Variants in ADCYAP1R1 observed in about 807,000 individuals in gnomAD.
ADCYAP1R1 encodes ADCYAP receptor type I, also known as pituitary adenylate cyclase-activating polypeptide type I receptor.
A neutral mutation model predicts 67.6 loss-of-function variants in ADCYAP1R1; 44 were observed. The observed-to-expected ratio is 0.65, with a 90% CI of 0.51 to 0.84. The LOEUF (loss-of-function observed/expected upper bound fraction) is 0.84. Among genes scored for constraint, ADCYAP1R1 ranks in the 40% least tolerant of loss-of-function variants. The pLI, the probability that ADCYAP1R1 is intolerant of heterozygous loss-of-function variation, is 0.00. For synonymous variants in ADCYAP1R1, 222 were observed against 219.6 expected (o/e 1.01, Z -0.10); for missense variants, 477 against 587.9 (o/e 0.81, Z 1.95).
chr7:31,103,225 T>C lies in ADCYAP1R1; in HGVS notation c.1047-12T>C. 1 of 1,613,498 alleles carries C rather than the reference T, an allele frequency of 6.2e-7. No individual in the cohort carries two copies. The highest frequency in any genetic ancestry group is 1.1e-5 in the South Asian group (1 of 90,968). The stretch of plus-strand genomic sequence containing the variant: ...AAGTCCCCAGAGCAGATGTTTTGCT[T>C]TCCTCCGACAGGCGACTGGCCCGGT... On this transcript the variant is annotated splice_polypyrimidine_tract_variant and intron_variant, in intron 13 of 15. Coordinates refer to ENST00000304166, the MANE Select transcript of ADCYAP1R1 (RefSeq NM_001118.5).
At chr7:31,094,241 T>A (rs903505423) in intron 13 of ADCYAP1R1, among the ~76,000 whole-genome samples, 2 of 152,092 alleles carry the variant, frequency 1.3e-5, no homozygotes, top group Non-Finnish European at 2.9e-5. Context: ...AATCATAAAG[T>A]CTTAGAGGCC....
chr7:31,068,677 G>A (rs1162922522), intron 3 of ADCYAP1R1, among the ~76,000 whole-genome samples: 1 of 152,160 alleles, frequency 6.6e-6, no homozygotes, highest in Non-Finnish European at 1.5e-5. Context: ...GGAAGGAGAG[G>A]GGCAGGCCAG....
At chr7:31,076,995 G>A (rs1272508394) in intron 3 of ADCYAP1R1, among the ~76,000 whole-genome samples, 1 of 152,190 alleles carries the variant, frequency 6.6e-6, no homozygotes, top group East Asian at 1.9e-4. Flanking sequence ...TGCAGCTGTG[G>A]GGCTGCGGGT....
chr7:31,096,237 G>T (rs1371160152), intron 13 of ADCYAP1R1, among the ~76,000 whole-genome samples: 1 of 152,188 alleles, frequency 6.6e-6, no homozygotes, highest in Admixed American at 6.5e-5. Flanking sequence ...GCTGCAGCTT[G>T]GGTGGAGGAG....
intron 12 of ADCYAP1R1, among the ~76,000 whole-genome samples, chr7:31,090,071 G>T (rs1168616410): frequency 2.0e-5 from 3 of 152,030 alleles, no homozygotes; most frequent in Non-Finnish European, 4.4e-5. Context: ...CAATTAAGCA[G>T]TATGTAAATT....
At chr7:31,089,366 A>G (rs1447361658) in intron 12 of ADCYAP1R1, among the ~76,000 whole-genome samples, 1 of 144,812 alleles carries the variant, frequency 6.9e-6, no homozygotes, top group East Asian at 2.0e-4. Context: ...TGTTTGCTCT[A>G]GTTTTGGCAG....
At position 31,086,860 on chromosome 7, in the gene ADCYAP1R1, C is replaced by T; in HGVS notation, c.824-83C>T. 2 of 1,416,240 alleles carry T rather than the reference C, an allele frequency of 1.4e-6. No individual in the cohort carries two copies. Among genetic ancestry groups the T allele is most frequent in the Non-Finnish European group, 2.0e-6 (2 of 1,001,600 alleles). 87.7% of individuals were successfully genotyped at this position (1,416,240 alleles called of 1,614,324 possible). A position where few individuals can be genotyped will look rare whatever the true frequency, so the allele number is the denominator to read the frequency against. ...TCCAAGTCTCATGGGGGAGCAATAG[C>T]CTCTCGGAGCCCCAGGTCTACGGTG... On this transcript the variant is annotated intron_variant, in intron 10 of 15. Transcript: ENST00000304166. The surrounding 1 kb of genome is among the most constrained non-coding windows in gnomAD (Gnocchi z 5.0).
At chr7:31,104,968 CA>C (rs1796581125) in intron 15 of ADCYAP1R1, 59 bp downstream of exon 15, 1 of 1,566,296 alleles carries the variant, frequency 6.4e-7, no homozygotes, top group Non-Finnish European at 8.8e-7. Context: ...GGGGAGCAGA[CA>C]GGGGAACCAC....
chr7:31,064,056 C>T (rs1478032051), intron 2 of ADCYAP1R1, among the ~76,000 whole-genome samples: 4 of 152,218 alleles, frequency 2.6e-5, no homozygotes, highest in Non-Finnish European at 1.5e-5. Context: ...GATAGCAGTG[C>T]ATGGGCTGTG....
Position 31,061,568 on chromosome 7 carries a change from A to G in ADCYAP1R1, c.-71-1626A>G, listed in dbSNP as rs553368646. Among the ~76,000 whole-genome samples the G allele has an allele frequency of 3.3e-5, 5 of 152,284 alleles. No homozygotes were observed. In the South Asian group the frequency reaches 1.0e-3, roughly 32 times the overall value. On this transcript the variant is annotated intron_variant, in intron 1 of 15. Coordinates refer to ENST00000304166, the MANE Select transcript of ADCYAP1R1 (RefSeq NM_001118.5). ...CTGACCCACAGGAGGAGGCTGGGCC[A>G]GTGTTGCCATGGCTCCCAGGCTTCT... is the stretch of plus-strand genomic sequence containing the variant.
rs985641504 is a variant in ADCYAP1R1 at position 31,061,842 on chromosome 7, G to C, written c.-71-1352G>C. 2.6e-5 allele frequency among the ~76,000 whole-genome samples: 4 copies of C among 152,186 alleles called. No homozygotes were observed. The East Asian group carries it at 5.8e-4, about 22-fold the overall frequency. On this transcript the variant is annotated intron_variant, in intron 1 of 15. Transcript: ENST00000304166. ...AGCAGCTCTGCCTGCTGGTGGGGGG[G>C]TGTGCGAAGACTAATGGTTGGGATG...
chr7:31,080,058 T>G, intron 4 of ADCYAP1R1, among the ~76,000 whole-genome samples: 1 of 152,358 alleles, frequency 6.6e-6, no homozygotes, highest in East Asian at 1.9e-4. Context: ...CTGGGTCAGA[T>G]TCCATGCCAG....
chr7:31,054,591 G>C (rs1794164404), intron 1 of ADCYAP1R1, among the ~76,000 whole-genome samples: 1 of 152,186 alleles, frequency 6.6e-6, no homozygotes, highest in Non-Finnish European at 1.5e-5. Flanking sequence ...AAGGCCACAG[G>C]GTGGCTTTTC....
At chr7:31,093,591 C>T (rs553071661) in intron 13 of ADCYAP1R1, among the ~76,000 whole-genome samples, 9 of 152,148 alleles carry the variant, frequency 5.9e-5, no homozygotes, top group South Asian at 2.1e-4. Context: ...GGTTGGTTGT[C>T]CCCTGTGGTT....
intron 13 of ADCYAP1R1, 68 bp from the exon 14 acceptor site, chr7:31,103,169 T>C: frequency 6.3e-7 from 1 of 1,579,746 alleles, no homozygotes; most frequent in Non-Finnish European, 8.6e-7. Context: ...CTGAGTTCTC[T>C]GCCCTCCGTG....
chr7:31,080,165 A>G (rs542799624), intron 4 of ADCYAP1R1, among the ~76,000 whole-genome samples: 87 of 152,364 alleles, frequency 5.7e-4, no homozygotes, highest in African/African-American at 2.0e-3. Context: ...TTCCTCTGGC[A>G]GTGGCACAAT....
At chr7:31,100,314 C>T (rs966646425) in intron 13 of ADCYAP1R1, 3 of 1,159,290 alleles carry the variant, frequency 2.6e-6, no homozygotes, top group Non-Finnish European at 3.8e-6. Context: ...GCCTCTGCCT[C>T]CCAGCCCCAA....
At chr7:31,100,267 G>C in intron 13 of ADCYAP1R1, 5 of 1,491,008 alleles carry the variant, frequency 3.4e-6, no homozygotes. Context: ...GGGGACGCAT[G>C]CTGCCACTGC....
At chr7:31,076,697 CT>C (rs1357304539) in intron 3 of ADCYAP1R1, among the ~76,000 whole-genome samples, 1 of 152,206 alleles carries the variant, frequency 6.6e-6, no homozygotes, top group Non-Finnish European at 1.5e-5. Context: ...GCTTTCCCCT[CT>C]TCTCCAGCTG....
Sources: allele counts gnomAD v4.1 joint callset (sites outside exome capture counted in the v4.1 genomes callset), GRCh38; gene constraint gnomAD v4.1.1; non-coding constraint Gnocchi (gnomAD v3.1); transcripts MANE v1.5; gene names NCBI Gene and HGNC (gene_info 2026-07-23, HGNC 2026-07-21).